Variants in FXYD6 observed in about 807,000 individuals in gnomAD.
FXYD6 encodes FXYD domain-containing ion transport regulator 6.
Under a neutral mutation model 16.7 loss-of-function variants are expected in FXYD6, and 7 were observed. The ratio of observed to expected loss-of-function variants is 0.42; its 90% CI spans 0.24 to 0.79. The LOEUF (loss-of-function observed/expected upper bound fraction) is 0.79. Among genes scored for constraint, FXYD6 ranks in the 30% least tolerant of loss-of-function variants. The pLI is 0.28. For synonymous variants in FXYD6, 49 were observed against 43.0 expected (o/e 1.14, Z -0.54); for missense variants, 111 against 116.2 (o/e 0.95, Z 0.21).
At chr11:117,844,318 A>G (rs2056424406) in intron 1 of FXYD6, 2 of 152,182 alleles carry the variant, frequency 1.3e-5, no homozygotes, top group South Asian at 4.1e-4. Context: ...ATAAAAATAT[A>G]TGTAACATAC....
intron 1 of FXYD6, among the ~76,000 whole-genome samples, chr11:117,848,820 G>GT (rs1211288228): frequency 2.6e-5 from 4 of 151,954 alleles, no homozygotes; most frequent in Non-Finnish European, 5.9e-5. Flanking sequence ...AGTTATGCCT[G>GT]TTTTTTTCAT....
rs777480204 is a variant in FXYD6 at position 117,842,737 on chromosome 11, G to C, written c.40C>G (p.Pro14Ala). ...TACTTACCACTGGCCAGGACCATGG[G>C]GGCCAGCAGGCTGCAGAGGAAGACC... is the stretch of plus-strand genomic sequence containing the variant. Reference protein sequence around the residue: ...VLVFLCSLLAPMVLASAAEKE... With the variant: ...VLVFLCSLLAAMVLASAAEKE... The change falls in exon 2 of 8, where the codon CCC becomes GCC. Residue 14 changes from proline to alanine, a missense_variant. Transcript: ENST00000526014. 6.4e-5 allele frequency: 100 copies of C among 1,569,466 alleles called. No individual in the cohort carries two copies. The highest frequency in any genetic ancestry group is 8.1e-5 in the Non-Finnish European group (94 of 1,156,516).
At chr11:117,864,370 A>T (rs1278768068) in intron 1 of FXYD6, among the ~76,000 whole-genome samples, 4 of 152,230 alleles carry the variant, frequency 2.6e-5, no homozygotes, top group African/African-American at 7.2e-5. Flanking sequence ...AGTAAGTGCC[A>T]GGAAAACCAG....
chr11:117,855,103 G>A (rs1319142430), intron 1 of FXYD6, among the ~76,000 whole-genome samples: 2 of 152,208 alleles, frequency 1.3e-5, no homozygotes, highest in Non-Finnish European at 2.9e-5. Flanking sequence ...AGCATGATGG[G>A]GTGGGTGGTG....
intron 1 of FXYD6, among the ~76,000 whole-genome samples, chr11:117,854,651 A>G (rs1241724395): frequency 1.3e-5 from 2 of 152,242 alleles, no homozygotes; most frequent in Non-Finnish European, 2.9e-5. Context: ...ACGCCATGCA[A>G]CAATAGTCCA....
chr11:117,863,795 C>A (rs1670939439), intron 1 of FXYD6, among the ~76,000 whole-genome samples: 1 of 151,768 alleles, frequency 6.6e-6, no homozygotes, highest in African/African-American at 2.4e-5. Context: ...ACACAAAAAA[C>A]AATTGCATTT....
chr11:117,858,718 TCCTTC>T (rs2056821944), intron 1 of FXYD6, among the ~76,000 whole-genome samples: 3 of 101,328 alleles, frequency 3.0e-5, no homozygotes, highest in South Asian at 8.6e-4. Flanking sequence ...TCTCTCTCCT[TCCTTC>T]CCTTCCTTCC....
In FXYD6 at chr11:117,860,155, T is replaced by A. The variant is rs146033351; in HGVS notation, c.-6+16437A>T. Among the ~76,000 whole-genome samples the A allele has an allele frequency of 4.2e-4, 64 of 151,956 alleles. 1 individual carries two copies. Among genetic ancestry groups the A allele is most frequent in the African/African-American group, 1.5e-3 (61 of 41,416 alleles). On this transcript the variant is annotated intron_variant, in intron 1 of 7. Transcript: ENST00000526014. Reference sequence around the variant, plus strand: ...CTGGCTGTTGGTGGAGGGCAGGGAGTCTTCCTGCTATGAGTAGGTTTCCTT... The same window carrying A: ...CTGGCTGTTGGTGGAGGGCAGGGAGACTTCCTGCTATGAGTAGGTTTCCTT...
At chr11:117,857,765 A>G (rs1188570273) in intron 1 of FXYD6, among the ~76,000 whole-genome samples, 1 of 152,120 alleles carries the variant, frequency 6.6e-6, no homozygotes, top group Non-Finnish European at 1.5e-5. Context: ...GGAGGAAAAT[A>G]GGGGGAGAGT....
intron 2 of FXYD6, 85 bp downstream of exon 2, chr11:117,842,634 G>A (rs1428905701): frequency 1.4e-6 from 2 of 1,393,266 alleles, no homozygotes; most frequent in African/African-American, 1.4e-5. Flanking sequence ...CAGCCCTAAT[G>A]TCCCAAGGGG....
rs2056245618 is a variant in FXYD6 at position 117,838,259 on chromosome 11, C to G, written c.*40G>C. On this transcript the variant is annotated 3_prime_UTR_variant, in exon 8 of 8. Coordinates refer to ENST00000526014, the MANE Select transcript of FXYD6 (RefSeq NM_022003.4). ...CATTTGCATCCAAAGGTTCAAGCAG[C>G]CGCCTCAGGTTCCAGAGGCTGAGGA... 1.4e-6 allele frequency: 1 copy of G among 702,466 alleles called. No homozygotes were observed. Among genetic ancestry groups the G allele is most frequent in the Non-Finnish European group, 2.6e-6 (1 of 385,004 alleles). The allele number at this position is 702,466 out of a possible 1,614,324, so 43.5% of individuals were successfully genotyped here.
Position 117,837,717 on chromosome 11 carries a change from G to A in FXYD6, c.*582C>T, listed in dbSNP as rs1398070764. 2 of 160,606 alleles carry A rather than the reference G, an allele frequency of 1.2e-5. No homozygotes were observed. The highest frequency in any genetic ancestry group is 1.2e-4 in the Admixed American group (2 of 16,966). 9.9% of individuals were successfully genotyped at this position (160,606 alleles called of 1,614,324 possible). On this transcript the variant is annotated 3_prime_UTR_variant, in exon 8 of 8. Coordinates refer to ENST00000526014, the MANE Select transcript of FXYD6 (RefSeq NM_022003.4). This position sits in a 1 kb window ranked among gnomAD's most constrained non-coding sequence, Gnocchi z 4.4. Reference sequence around the variant, plus strand: ...TCAGACTGGGATCAGGTGGGATAAGGAAGCAAGGTTTTTGTTAAAGGAGTG... The same window carrying A: ...TCAGACTGGGATCAGGTGGGATAAGAAAGCAAGGTTTTTGTTAAAGGAGTG...
At chr11:117,876,367 C>G (rs1340811865) in intron 1 of FXYD6, among the ~76,000 whole-genome samples, 1 of 152,204 alleles carries the variant, frequency 6.6e-6, no homozygotes, top group Non-Finnish European at 1.5e-5. Context: ...GCCTGCCTCC[C>G]CTAGAGGCTC....
intron 1 of FXYD6, among the ~76,000 whole-genome samples, chr11:117,853,062 T>A (rs528984176): frequency 6.6e-6 from 1 of 152,388 alleles, no homozygotes; most frequent in East Asian, 1.9e-4. Context: ...TTTCTTACAG[T>A]TATTTTATAT....
Position 117,862,590 on chromosome 11 carries a change from T to C in FXYD6, c.-6+14002A>G, listed in dbSNP as rs1022427334. ...GACCGAGGCCCAGCCCACAAGGTCC[T>C]CAGCCACCTCCTCTGGTCACCATGC... On this transcript the variant is annotated intron_variant, in intron 1 of 7. Transcript: ENST00000526014. Among the ~76,000 whole-genome samples, 7 of 152,170 alleles carry C rather than the reference T, an allele frequency of 4.6e-5. No homozygotes were observed. The South Asian group carries it at 1.4e-3, about 32-fold the overall frequency.
In FXYD6 at chr11:117,870,810, C is replaced by T. The variant is rs1229972635; in HGVS notation, c.-6+5782G>A. On this transcript the variant is annotated intron_variant, in intron 1 of 7. Coordinates refer to ENST00000526014, the MANE Select transcript of FXYD6 (RefSeq NM_022003.4). This position sits in a 1 kb window ranked among gnomAD's most constrained non-coding sequence, Gnocchi z 4.2. The stretch of plus-strand genomic sequence containing the variant: ...CACAGAGCCAAGGCCTACACCCCTT[C>T]CCATGTAGGGCTGTCACCAGTGTAT... 6.6e-6 allele frequency among the ~76,000 whole-genome samples: 1 copy of T among 152,164 alleles called. No individual in the cohort carries two copies. The highest frequency in any genetic ancestry group is 1.5e-5 in the Non-Finnish European group (1 of 68,032).
intron 1 of FXYD6, chr11:117,843,860 T>C (rs1052074778): frequency 5.9e-5 from 9 of 152,336 alleles, no homozygotes; most frequent in Non-Finnish European, 1.2e-4. Context: ...AGGTGGGCTA[T>C]CCTGGTGGAA....
At chr11:117,855,537 G>C (rs1466210493) in intron 1 of FXYD6, among the ~76,000 whole-genome samples, 1 of 152,158 alleles carries the variant, frequency 6.6e-6, no homozygotes, top group Non-Finnish European at 1.5e-5. Context: ...CACCCTCCCA[G>C]TGACCACACA....
intron 1 of FXYD6, among the ~76,000 whole-genome samples, chr11:117,868,354 G>A (rs2057055810): frequency 6.6e-6 from 1 of 152,154 alleles, no homozygotes; most frequent in African/African-American, 2.4e-5. Context: ...TGATTGTATC[G>A]TCTTGGTGTG....
Sources: allele counts gnomAD v4.1 joint callset (sites outside exome capture counted in the v4.1 genomes callset), GRCh38; gene constraint gnomAD v4.1.1; non-coding constraint Gnocchi (gnomAD v3.1); transcripts MANE v1.5; gene names NCBI Gene and HGNC (gene_info 2026-07-23, HGNC 2026-07-21).